HMCN1: variants seen among roughly 807,000 people sequenced by gnomAD.
HMCN1 encodes the protein hemicentin 1.
A neutral mutation model predicts 625.9 loss-of-function variants in HMCN1; 321 were observed. The observed-to-expected ratio is 0.51, with a 90% CI of 0.47 to 0.56. The LOEUF (loss-of-function observed/expected upper bound fraction) is 0.56. Among genes scored for constraint, HMCN1 ranks in the 20% least tolerant of loss-of-function variants. The pLI is 0.00. For missense variants in HMCN1, 6,588 were observed against 6,887.3 expected (o/e 0.96, Z 1.54); for synonymous variants, 2,425 against 2,417.6 (o/e 1.00, Z -0.09).
chr1:185,810,514 A>G (rs1399427229), intron 1 of HMCN1, among the ~76,000 whole-genome samples: 3 of 152,174 alleles, frequency 2.0e-5, no homozygotes, highest in Admixed American at 2.0e-4. Flanking sequence ...GAATACCTGA[A>G]CATAGGTAGT....
intron 11 of HMCN1, among the ~76,000 whole-genome samples, chr1:185,944,777 G>GT (rs1391249032): frequency 6.6e-6 from 1 of 152,190 alleles, no homozygotes; most frequent in East Asian, 1.9e-4. Context: ...ATTTTATTCA[G>GT]TTTTGTGTCT....
chr1:185,905,444 G>A (rs1408943370), intron 4 of HMCN1, among the ~76,000 whole-genome samples: 2 of 151,662 alleles, frequency 1.3e-5, no homozygotes, highest in African/African-American at 2.4e-5. Context: ...TACTAATAAA[G>A]GCATAATTGC....
At chr1:185,999,055 A>AGTCACTGT (rs1455136478) in intron 25 of HMCN1, among the ~76,000 whole-genome samples, 3 of 152,040 alleles carry the variant, frequency 2.0e-5, no homozygotes, top group Admixed American at 6.6e-5. Context: ...TAACTTTCAT[A>AGTCACTGT]GTCACTGTTT....
intron 94 of HMCN1, 30 bp from the exon 95 acceptor site, chr1:186,151,576 A>G (rs374846240): frequency 1.2e-6 from 2 of 1,600,772 alleles, no homozygotes; most frequent in South Asian, 1.1e-5. Flanking sequence ...AAATTTTGCT[A>G]TCACCTTATT....
intron 1 of HMCN1, among the ~76,000 whole-genome samples, chr1:185,759,129 A>T (rs1655321407): frequency 6.6e-6 from 1 of 152,138 alleles, no homozygotes; most frequent in Admixed American, 6.5e-5. Flanking sequence ...CTTGGCTGGA[A>T]CCTGTTTTTT....
chr1:185,822,165 T>A (rs1299455828), intron 1 of HMCN1, among the ~76,000 whole-genome samples: 1 of 152,086 alleles, frequency 6.6e-6, no homozygotes, highest in African/African-American at 2.4e-5. Context: ...ACCCATACAG[T>A]GTACAACACC....
At chr1:186,005,732 T>A (rs1373567034) in intron 29 of HMCN1, among the ~76,000 whole-genome samples, 2 of 152,198 alleles carry the variant, frequency 1.3e-5, no homozygotes, top group Non-Finnish European at 2.9e-5. Context: ...TTTCTCATCA[T>A]AATGCTTACT....
At chr1:185,957,447 A>G (rs10489718) in intron 11 of HMCN1, among the ~76,000 whole-genome samples, 9,053 of 152,140 alleles carry the variant, frequency 0.06, 646 homozygotes, top group African/African-American at 0.17. Flanking sequence ...ACGTTTTTAT[A>G]TATATAGTAG....
At chr1:186,176,416 T>G (rs1558283353) in intron 103 of HMCN1, among the ~76,000 whole-genome samples, 1 of 152,254 alleles carries the variant, frequency 6.6e-6, no homozygotes, top group Non-Finnish European at 1.5e-5. Flanking sequence ...TGATTTCATT[T>G]CTGCTTCTGC....
chr1:185,962,019 G>A (rs554481991), intron 11 of HMCN1, among the ~76,000 whole-genome samples: 34 of 152,202 alleles, frequency 2.2e-4, no homozygotes, highest in Middle Eastern at 3.4e-3. Flanking sequence ...GAATATAATC[G>A]AATATGGAAT....
At chr1:186,148,114 G>A (rs141261421) in intron 93 of HMCN1, among the ~76,000 whole-genome samples, 89 of 152,258 alleles carry the variant, frequency 5.8e-4, no homozygotes, top group African/African-American at 1.5e-3. Context: ...CTTTGTTGTC[G>A]TTTTAACAAT....
chr1:186,109,298 A>G (rs1267971671), intron 71 of HMCN1, among the ~76,000 whole-genome samples: 2 of 152,234 alleles, frequency 1.3e-5, no homozygotes, highest in African/African-American at 2.4e-5. Context: ...CACCTAAGAC[A>G]TAAAGACTAC....
chr1:186,055,039 T>C (rs1456151510), intron 44 of HMCN1, among the ~76,000 whole-genome samples: 1 of 152,000 alleles, frequency 6.6e-6, no homozygotes, highest in Non-Finnish European at 1.5e-5. Context: ...CATTGGGTTG[T>C]AAGCTAGGCT....
rs374516199 is a variant in HMCN1, at chr1:186,125,809, C to T, written c.12690+15C>T. On this transcript the variant is annotated intron_variant, in intron 82 of 106. Coordinates refer to ENST00000271588, the MANE Select transcript of HMCN1 (RefSeq NM_031935.3). The stretch of plus-strand genomic sequence containing the variant: ...AAAATGTTGTGGTAAGTTTAATGGA[C>T]GTGAACAGATACATTAAGCCAGATT... The T allele has an allele frequency of 3.8e-5, 60 of 1,592,648 alleles. No homozygotes were observed. The highest frequency in any genetic ancestry group is 6.6e-5 in the South Asian group (6 of 90,540).
chr1:186,057,967 G>A (rs1395381233), intron 46 of HMCN1, among the ~76,000 whole-genome samples: 1 of 151,984 alleles, frequency 6.6e-6, no homozygotes, highest in East Asian at 1.9e-4. Context: ...GCAGAAATCT[G>A]CACTTGGCCC....
chr1:185,924,052 T>C (rs1007691885), intron 8 of HMCN1, among the ~76,000 whole-genome samples: 18 of 152,108 alleles, frequency 1.2e-4, no homozygotes, highest in Non-Finnish European at 1.3e-4. Flanking sequence ...AGGTGATCAC[T>C]GCCTTTATTT....
At chr1:185,900,403 T>A (rs183850651) in intron 4 of HMCN1, among the ~76,000 whole-genome samples, 1 of 152,126 alleles carries the variant, frequency 6.6e-6, no homozygotes, top group Non-Finnish European at 1.5e-5. Flanking sequence ...CGAAATGTCC[T>A]TTATAAAGAT....
intron 1 of HMCN1, among the ~76,000 whole-genome samples, chr1:185,797,683 T>TAGATTTC (rs1553241679): frequency 4.7e-5 from 7 of 147,822 alleles, no homozygotes; most frequent in South Asian, 2.1e-4. Flanking sequence ...AAGACTTGTT[T>TAGATTTC]TGGCCGGGCG....
At chr1:186,159,593 C>T (rs1455331029) in intron 97 of HMCN1, among the ~76,000 whole-genome samples, 1 of 152,186 alleles carries the variant, frequency 6.6e-6, no homozygotes, top group African/African-American at 2.4e-5. Flanking sequence ...AGATACGTCC[C>T]ATTAATACCT....
Sources: gnomAD v4.1 joint callset for allele counts (sites outside exome capture counted in the v4.1 genomes callset) on GRCh38, gnomAD v4.1.1 for gene constraint, MANE v1.5 for transcripts, NCBI Gene and HGNC (gene_info 2026-07-23, HGNC 2026-07-21) for gene names.